KCNT1: variants seen among roughly 807,000 people sequenced by gnomAD.
KCNT1 encodes potassium channel subfamily T member 1.
A neutral mutation model predicts 147.8 loss-of-function variants in KCNT1; 78 were observed. The ratio of observed to expected loss-of-function variants is 0.53; its 90% CI spans 0.44 to 0.64. KCNT1 has a LOEUF of 0.64. KCNT1 is among the 30% of genes least tolerant of loss of function. The pLI is 0.00. For synonymous variants in KCNT1, 867 were observed against 748.8 expected (o/e 1.16, Z -2.58); for missense variants, 1,419 against 1,750.3 (o/e 0.81, Z 3.38).
chr9:135,714,855 T>C lies in KCNT1; in HGVS notation c.254+135T>C. 1 of 555,982 alleles carries C rather than the reference T, an allele frequency of 1.8e-6. No individual in the cohort carries two copies. Among genetic ancestry groups the C allele is most frequent in the Non-Finnish European group, 2.4e-6 (1 of 409,670 alleles). 34.4% of individuals were successfully genotyped at this position (555,982 alleles called of 1,614,324 possible). A position where few individuals can be genotyped will look rare whatever the true frequency, so the allele number is the denominator to read the frequency against. ...GCGCCCTTCAACTTTTCCCGGCTTC[T>C]GGGGACGCAGAAGTTTCGGAGGGGG... is the stretch of plus-strand genomic sequence containing the variant. On this transcript the variant is annotated intron_variant, in intron 2 of 30. Coordinates refer to ENST00000371757, the MANE Select transcript of KCNT1 (RefSeq NM_020822.3). The surrounding 1 kb of genome is among the most constrained non-coding windows in gnomAD (Gnocchi z 6.2).
chr9:135,730,396 A>G lies in KCNT1; in HGVS notation c.254+15676A>G, dbSNP rs544406704. On this transcript the variant is annotated intron_variant, in intron 2 of 30. Transcript: ENST00000371757. This position sits in a 1 kb window ranked among gnomAD's most constrained non-coding sequence, Gnocchi z 4.7. Reference sequence around the variant, plus strand: ...ACCACACGTGGTGAGGGGGATTAGCAGATATGATTAAGTGGAGGGCCTTGA... The same window carrying G: ...ACCACACGTGGTGAGGGGGATTAGCGGATATGATTAAGTGGAGGGCCTTGA... Among the ~76,000 whole-genome samples the G allele has an allele frequency of 1.3e-5, 2 of 152,222 alleles. No homozygotes were observed. Among genetic ancestry groups the G allele is most frequent in the Non-Finnish European group, 2.9e-5 (2 of 68,040 alleles).
intron 2 of KCNT1, among the ~76,000 whole-genome samples, chr9:135,727,357 T>TTC (rs1245039339): frequency 1.5e-5 from 1 of 67,628 alleles, no homozygotes. Context: ...CTCTTTCCCA[T>TTC]TCTCTCTCTC....
chr9:135,791,253 GTGGA>G (rs2131601843), intron 29 of KCNT1: 1 of 154,504 alleles, frequency 6.5e-6, no homozygotes, highest in South Asian at 2.0e-4. Flanking sequence ...GTGGGGGTGT[GTGGA>G]TGTGGAGGAC....
chr9:135,788,876 C>T (rs1159961930), intron 29 of KCNT1: 3 of 152,430 alleles, frequency 2.0e-5, no homozygotes, highest in Non-Finnish European at 4.4e-5. Flanking sequence ...CTCAGGGGAG[C>T]TCAGAGCCTG....
chr9:135,741,914 C>T (rs904062342), intron 2 of KCNT1, among the ~76,000 whole-genome samples: 3 of 152,182 alleles, frequency 2.0e-5, no homozygotes, highest in Non-Finnish European at 2.9e-5. Context: ...CAAAGACCCT[C>T]GGCACTCCCA....
Position 135,730,235 on chromosome 9 carries a change from C to G in KCNT1, c.254+15515C>G, listed in dbSNP as rs146235844. Among the ~76,000 whole-genome samples the G allele has an allele frequency of 2.6e-5, 4 of 152,212 alleles. No individual in the cohort carries two copies. The highest frequency in any genetic ancestry group is 2.9e-5 in the Non-Finnish European group (2 of 68,038). On this transcript the variant is annotated intron_variant, in intron 2 of 30. Transcript: ENST00000371757. This position sits in a 1 kb window ranked among gnomAD's most constrained non-coding sequence, Gnocchi z 4.7. Reference sequence around the variant, plus strand: ...AAGGAAAGGGGTTCCCTGGACTCCCCCTTCGGAGCATCAGGTGTGGACCCA... The same window carrying G: ...AAGGAAAGGGGTTCCCTGGACTCCCGCTTCGGAGCATCAGGTGTGGACCCA...
At chr9:135,790,896 T>G (rs1000405805) in intron 29 of KCNT1, 2 of 152,384 alleles carry the variant, frequency 1.3e-5, no homozygotes, top group Admixed American at 1.3e-4. Context: ...ACTGCTGGGA[T>G]GGTGGCCTCT....
chr9:135,738,309 A>AGGTAATGGAGCTGCTGCCCAGCTG (rs2131376007), intron 2 of KCNT1, among the ~76,000 whole-genome samples: 1 of 152,230 alleles, frequency 6.6e-6, no homozygotes, highest in African/African-American at 2.4e-5. Context: ...TGCAGAGCAG[A>AGGTAATGGAGCTGCTGCCCAGCTG]GGTAATGGAG....
rs749986248 is a variant in KCNT1, at chr9:135,757,300, C to A, written c.678C>A (p.Ile226=). 1 of 1,612,612 alleles carries A rather than the reference C, an allele frequency of 6.2e-7. No individual in the cohort carries two copies. Among genetic ancestry groups the A allele is most frequent in the Non-Finnish European group, 8.5e-7 (1 of 1,179,986 alleles). Residue 226 remains isoleucine, a splice_region_variant and synonymous_variant, in exon 9 of 31, where the codon ATC becomes ATA. Transcript: ENST00000371757. The stretch of plus-strand genomic sequence containing the variant: ...GCCCTGACCTGTCCCCTTCACAGAT[C>A]TTCTGGCCGCCGCTGCGGAACCTGT... ...MINTLPFIIT[I]FWPPLRNLFI...
chr9:135,779,171 A>AGACCCCCCACAGCCGTGG (rs1157481245), intron 23 of KCNT1, among the ~76,000 whole-genome samples, 188 bp from the exon 24 acceptor site: 1 of 129,608 alleles, frequency 7.7e-6, no homozygotes, highest in Admixed American at 8.0e-5. Context: ...CTCTGCCCTG[A>AGACCCCCCACAGCCGTGG]GACCCCCCAC....
Position 135,792,319 on chromosome 9 carries a change from C to CG in KCNT1, c.*164dup, listed in dbSNP as rs778166324. ...CCACCCTGGAAAGGAGCCCCTCATG[C>CG]GGGGGGAGGGCCAGCTCACCCCTGG... On this transcript the variant is annotated 3_prime_UTR_variant, in exon 31 of 31. Transcript: ENST00000371757. 191 of 968,646 alleles carry CG rather than the reference C, an allele frequency of 2.0e-4. No individual in the cohort carries two copies. The highest frequency in any genetic ancestry group is 2.5e-4 in the Non-Finnish European group (171 of 681,492). 60.0% of individuals were successfully genotyped at this position (968,646 alleles called of 1,614,324 possible).
Position 135,792,614 on chromosome 9 carries a change from G to A in KCNT1, c.*453G>A, listed in dbSNP as rs185467913. On this transcript the variant is annotated 3_prime_UTR_variant, in exon 31 of 31. Coordinates refer to ENST00000371757, the MANE Select transcript of KCNT1 (RefSeq NM_020822.3). ...TGAGCGTTCACGGCCAGGCAGCCTCGCTTCCTTGCAGCCAAGGGCTGGGGG... is the reference window on the plus strand; with the variant it reads ...TGAGCGTTCACGGCCAGGCAGCCTCACTTCCTTGCAGCCAAGGGCTGGGGG... 2.3e-4 allele frequency: 37 copies of A among 158,468 alleles called. No individual in the cohort carries two copies. In the South Asian group the frequency reaches 3.6e-3, roughly 15 times the overall value. 9.8% of individuals were successfully genotyped at this position (158,468 alleles called of 1,614,324 possible). A position where few individuals can be genotyped will look rare whatever the true frequency, so the allele number is the denominator to read the frequency against.
At chr9:135,756,575 C>T (rs1322108686) in intron 6 of KCNT1, among the ~76,000 whole-genome samples, 3 of 152,180 alleles carry the variant, frequency 2.0e-5, no homozygotes, top group Non-Finnish European at 2.9e-5. Flanking sequence ...GCGGGATAGC[C>T]GCTCTCTGGT....
chr9:135,771,209 TG>T (rs1564371898), intron 18 of KCNT1, 114 bp downstream of exon 18: 13 of 978,204 alleles, frequency 1.3e-5, no homozygotes, highest in Non-Finnish European at 1.8e-5. Context: ...CAGGGGGAGG[TG>T]ACCAGGTGGG....
chr9:135,784,518 C>CCTCT lies in KCNT1; in HGVS notation c.2944-14_2944-13insTCTC. ...CCCTCCCTCCCTCCCTCCCTCCCTCCCTCCCTCCCTGGCCAGTCCTTCGTG... is the reference window on the plus strand; with the variant it reads ...CCCTCCCTCCCTCCCTCCCTCCCTCCCTCTCTCCCTCCCTGGCCAGTCCTTCGTG... On this transcript the variant is annotated splice_polypyrimidine_tract_variant and intron_variant, in intron 25 of 30. Coordinates refer to ENST00000371757, the MANE Select transcript of KCNT1 (RefSeq NM_020822.3). 1.4e-6 allele frequency: 1 copy of CCTCT among 698,344 alleles called. No homozygotes were observed. The highest frequency in any genetic ancestry group is 2.3e-6 in the Non-Finnish European group (1 of 431,488). 43.3% of individuals were successfully genotyped at this position (698,344 alleles called of 1,614,324 possible). A position where few individuals can be genotyped will look rare whatever the true frequency, so the allele number is the denominator to read the frequency against.
At chr9:135,758,379 T>C in intron 9 of KCNT1, 35 bp from the exon 10 acceptor site, 1 of 1,524,184 alleles carries the variant, frequency 6.6e-7, no homozygotes, top group African/African-American at 1.4e-5. Flanking sequence ...GGGTCCACAG[T>C]CCCTGCCCGC....
Position 135,775,318 on chromosome 9 carries a change from A to G in KCNT1, c.2252A>G (p.Lys751Arg). The stretch of plus-strand genomic sequence containing the variant: ...CCTGTCTCCTGCCCCAGGTATGTGA[A>G]GGGCTACCCTCCCAACTCGCCCTAC... ...DEGLSVVEYVKGYPPNSPYIG... is the reference protein window; with the variant it reads ...DEGLSVVEYVRGYPPNSPYIG... The change falls in exon 20 of 31, where the codon AAG becomes AGG. Residue 751 changes from lysine to arginine, a missense_variant. Coordinates refer to ENST00000371757, the MANE Select transcript of KCNT1 (RefSeq NM_020822.3). The G allele has an allele frequency of 6.2e-7, 1 of 1,605,988 alleles. No individual in the cohort carries two copies. The highest frequency in any genetic ancestry group is 8.5e-7 in the Non-Finnish European group (1 of 1,176,104).
chr9:135,767,371 A>G (rs997627085), intron 13 of KCNT1, among the ~76,000 whole-genome samples: 1 of 152,164 alleles, frequency 6.6e-6, no homozygotes, highest in African/African-American at 2.4e-5. Context: ...CAGTGGTGCC[A>G]GTGATGTGGT....
At chr9:135,761,493 C>T (rs1350104670) in intron 11 of KCNT1, among the ~76,000 whole-genome samples, 1 of 152,242 alleles carries the variant, frequency 6.6e-6, no homozygotes, top group East Asian at 1.9e-4. Flanking sequence ...GGCCCTCCTG[C>T]CCCAATCCGT....
Sources: allele counts gnomAD v4.1 joint callset (sites outside exome capture counted in the v4.1 genomes callset), GRCh38; gene constraint gnomAD v4.1.1; non-coding constraint Gnocchi (gnomAD v3.1); transcripts MANE v1.5; gene names NCBI Gene and HGNC (gene_info 2026-07-23, HGNC 2026-07-21).